Variants in EIF2B3 observed in about 807,000 individuals in gnomAD.
EIF2B3 encodes translation initiation factor eIF2B subunit gamma.
In EIF2B3, 20 loss-of-function variants were observed where a neutral mutation model predicts 54.1. The observed-to-expected ratio is 0.37, with a 90% CI of 0.26 to 0.54. The LOEUF (loss-of-function observed/expected upper bound fraction) is 0.54. Ranked by LOEUF, EIF2B3 falls within the 20% of genes least tolerant of loss-of-function variation. EIF2B3 has a pLI of 0.86. For missense variants in EIF2B3, 448 were observed against 547.8 expected (o/e 0.82, Z 1.82); for synonymous variants, 153 against 188.1 (o/e 0.81, Z 1.52).
chr1:44,969,082 G>A (rs1390348259), intron 3 of EIF2B3, among the ~76,000 whole-genome samples: 1 of 152,108 alleles, frequency 6.6e-6, no homozygotes, highest in Non-Finnish European at 1.5e-5. Flanking sequence ...CAAGGAATGG[G>A]GACTCGTGTG....
intron 4 of EIF2B3, among the ~76,000 whole-genome samples, chr1:44,936,567 G>A (rs574632176): frequency 6.6e-6 from 1 of 152,152 alleles, no homozygotes; most frequent in African/African-American, 2.4e-5. Flanking sequence ...CTCCAGCCTG[G>A]GTGACAGAAT....
chr1:44,887,201 T>A (rs1655618559), intron 6 of EIF2B3, among the ~76,000 whole-genome samples: 1 of 152,212 alleles, frequency 6.6e-6, no homozygotes, highest in Non-Finnish European at 1.5e-5. Flanking sequence ...GATCCAGTAA[T>A]TAGCTGGCTT....
chr1:44,876,091 T>C (rs1655126734), intron 8 of EIF2B3, among the ~76,000 whole-genome samples: 1 of 152,180 alleles, frequency 6.6e-6, no homozygotes, highest in Non-Finnish European at 1.5e-5. Context: ...CAGTGCTCAA[T>C]GGTGCCCAGG....
intron 3 of EIF2B3, among the ~76,000 whole-genome samples, chr1:44,974,459 G>GT (rs1644433245): frequency 6.8e-6 from 1 of 146,432 alleles, no homozygotes; most frequent in African/African-American, 2.5e-5. Context: ...GGACAACAAA[G>GT]TAAGACCCTG....
At chr1:44,920,268 A>G (rs1218714599) in intron 5 of EIF2B3, among the ~76,000 whole-genome samples, 5 of 152,024 alleles carry the variant, frequency 3.3e-5, no homozygotes, top group Non-Finnish European at 7.4e-5. Context: ...CATGCTAGGT[A>G]CATACACTGA....
At chr1:44,943,231 T>G (rs1214293878) in intron 3 of EIF2B3, among the ~76,000 whole-genome samples, 1 of 151,682 alleles carries the variant, frequency 6.6e-6, no homozygotes, top group Non-Finnish European at 1.5e-5. Flanking sequence ...TCTCACTATG[T>G]AGTCCAGGTT....
rs533721410 is a variant in EIF2B3, at chr1:44,948,958, C to G, written c.295-7293G>C. Reference sequence around the variant, plus strand: ...TCACGGCTCACTGCAACCTCCGCCCCCCGAGGTTCAAGCAATTCTTGTGCC... The same window carrying G: ...TCACGGCTCACTGCAACCTCCGCCCGCCGAGGTTCAAGCAATTCTTGTGCC... On this transcript the variant is annotated intron_variant, in intron 3 of 11. Transcript: ENST00000360403. Among the ~76,000 whole-genome samples the G allele has an allele frequency of 7.9e-5, 12 of 152,206 alleles. No individual in the cohort carries two copies. The East Asian group carries it at 2.3e-3, about 29-fold the overall frequency.
chr1:44,857,605 G>T, intron 11 of EIF2B3, 99 bp downstream of exon 11: 1 of 1,070,358 alleles, frequency 9.3e-7, no homozygotes. Flanking sequence ...CGCCCGCAGT[G>T]TACGTATGTG....
chr1:44,941,137 G>A (rs553665536), intron 4 of EIF2B3, among the ~76,000 whole-genome samples: 27 of 152,242 alleles, frequency 1.8e-4, no homozygotes, highest in Non-Finnish European at 3.1e-4. Flanking sequence ...CCCCTGCCTC[G>A]GTCTCCCAAA....
chr1:44,895,759 T>C (rs1162119594), intron 6 of EIF2B3, among the ~76,000 whole-genome samples: 1 of 152,146 alleles, frequency 6.6e-6, no homozygotes, highest in East Asian at 1.9e-4. Flanking sequence ...GAGTTGATAA[T>C]TGTTGAAACT....
chr1:44,984,302 G>A (rs564728719), intron 1 of EIF2B3, among the ~76,000 whole-genome samples: 2 of 152,256 alleles, frequency 1.3e-5, no homozygotes, highest in African/African-American at 4.8e-5. Context: ...AGAACAGCCT[G>A]GGCAACATGG....
intron 10 of EIF2B3, among the ~76,000 whole-genome samples, chr1:44,874,359 C>T (rs1024671734): frequency 2.6e-5 from 4 of 152,144 alleles, no homozygotes; most frequent in African/African-American, 9.7e-5. Flanking sequence ...TTTGGATTAA[C>T]TAATCCCTTT....
rs1655877606 is a variant in EIF2B3 at position 44,893,753 on chromosome 1, C to T, written c.656+3602G>A. Among the ~76,000 whole-genome samples the T allele has an allele frequency of 2.0e-5, 3 of 151,140 alleles. No homozygotes were observed. The Admixed American group carries it at 2.0e-4, about 10-fold the overall frequency. On this transcript the variant is annotated intron_variant, in intron 6 of 11. Transcript: ENST00000360403. Reference sequence around the variant, plus strand: ...AACACTATAAGAGGCTGACTGTAACCGTGGATACTTCTGGACAAGAAGGAA... The same window carrying T: ...AACACTATAAGAGGCTGACTGTAACTGTGGATACTTCTGGACAAGAAGGAA...
At chr1:44,958,538 G>T in intron 3 of EIF2B3, 1 of 1,356,154 alleles carries the variant, frequency 7.4e-7, no homozygotes, top group Admixed American at 1.8e-5. Flanking sequence ...TTAGCTTCTG[G>T]AGACCTCACT....
chr1:44,960,574 C>A (rs1391163495), intron 3 of EIF2B3, among the ~76,000 whole-genome samples: 1 of 151,762 alleles, frequency 6.6e-6, no homozygotes, highest in African/African-American at 2.4e-5. Flanking sequence ...GGGGGCGGAG[C>A]TTGCAGTGAG....
At chr1:44,886,612 T>C (rs1309189814) in intron 6 of EIF2B3, among the ~76,000 whole-genome samples, 2 of 152,196 alleles carry the variant, frequency 1.3e-5, no homozygotes, top group South Asian at 2.1e-4. Flanking sequence ...AAACCTAACT[T>C]AGGAGTATGT....
chr1:44,878,327 A>G (rs1655264272), intron 8 of EIF2B3, among the ~76,000 whole-genome samples: 1 of 152,070 alleles, frequency 6.6e-6, no homozygotes, highest in Admixed American at 6.5e-5. Flanking sequence ...CAGTGGCACA[A>G]TCTCAGCTTA....
At chr1:44,855,220 G>C (rs1654400042) in intron 11 of EIF2B3, among the ~76,000 whole-genome samples, 1 of 152,140 alleles carries the variant, frequency 6.6e-6, no homozygotes, top group South Asian at 2.1e-4. Context: ...GAAGGAAGTG[G>C]TGGGGTTGTC....
chr1:44,975,067 A>C (rs1475483182), intron 3 of EIF2B3, among the ~76,000 whole-genome samples: 2 of 152,038 alleles, frequency 1.3e-5, no homozygotes, highest in Non-Finnish European at 2.9e-5. Flanking sequence ...AAATCTAAAA[A>C]ATTAGCTGTG....
Sources: allele counts gnomAD v4.1 joint callset (sites outside exome capture counted in the v4.1 genomes callset), GRCh38; gene constraint gnomAD v4.1.1; transcripts MANE v1.5; gene names NCBI Gene and HGNC (gene_info 2026-07-23, HGNC 2026-07-21).